BCR: variants seen among roughly 807,000 people sequenced by gnomAD.
BCR encodes the protein breakpoint cluster region protein.
Under a neutral mutation model 138.6 loss-of-function variants are expected in BCR, and 58 were observed. The observed-to-expected ratio is 0.42, with a 90% CI of 0.34 to 0.52. BCR has a LOEUF of 0.52. Among genes scored for constraint, BCR ranks in the 20% least tolerant of loss-of-function variants. BCR has a pLI of 0.06. For missense variants in BCR, 1,599 were observed against 1,727.2 expected, an observed-to-expected ratio of 0.93 and a Z score of 1.32; for synonymous variants, 786 against 730.1, an observed-to-expected ratio of 1.08 and a Z score of -1.23.
At position 23,181,353 on chromosome 22, in the gene BCR, C is replaced by A. The variant is rs528616365; in HGVS notation, c.393C>A (p.Ala131=). The A allele has an allele frequency of 8.6e-5, 130 of 1,506,448 alleles. No homozygotes were observed. The highest frequency in any genetic ancestry group is 1.1e-4 in the Non-Finnish European group (125 of 1,134,630). 93.3% of individuals were successfully genotyped at this position (1,506,448 alleles called of 1,614,324 possible). A position where few individuals can be genotyped will look rare whatever the true frequency, so the allele number is the denominator to read the frequency against. ...GSPGKARPGT[A]RRPGAAASGE... Reference sequence around the variant, plus strand: ...CGGGTAAGGCCAGGCCCGGGACCGCCCGCAGGCCCGGGGCAGCCGCGTCGG... The same window carrying A: ...CGGGTAAGGCCAGGCCCGGGACCGCACGCAGGCCCGGGGCAGCCGCGTCGG... The change falls in exon 1 of 23, where the codon GCC becomes GCA. Residue 131 remains alanine (A), a synonymous_variant. Coordinates refer to ENST00000305877, the MANE Select transcript of BCR (RefSeq NM_004327.4).
In BCR at chr22:23,262,645, GC is replaced by G. The variant is rs1334109425; in HGVS notation, c.1752+1106del. The G allele has an allele frequency of 1.6e-4, 67 of 415,980 alleles. 1 individual carries two copies. The highest frequency in any genetic ancestry group is 1.3e-3 in the African/African-American group (58 of 45,996). 25.8% of individuals were successfully genotyped at this position (415,980 alleles called of 1,614,324 possible). A position where few individuals can be genotyped will look rare whatever the true frequency, so the allele number is the denominator to read the frequency against. On this transcript the variant is annotated intron_variant, in intron 4 of 22. Transcript: ENST00000305877. ...GGGCTCCGCGTCGGGCTGCCCCGCA[GC>G]TGCTCTTGGGCAGCCAGGGCCGCTG...
At chr22:23,214,565 AT>A (rs2072727466) in intron 1 of BCR, among the ~76,000 whole-genome samples, 1 of 152,102 alleles carries the variant, frequency 6.6e-6, no homozygotes, top group African/African-American at 2.4e-5. Context: ...CAGGCGGATT[AT>A]TTCGTGCTTC....
chr22:23,227,458 A>G (rs1429151999), intron 1 of BCR, among the ~76,000 whole-genome samples: 1 of 152,242 alleles, frequency 6.6e-6, no homozygotes, highest in Admixed American at 6.5e-5. Flanking sequence ...GCCATCCTGT[A>G]GGACATAAGG....
In BCR at chr22:23,206,687, C is replaced by T. The variant is rs555553284; in HGVS notation, c.1279+24448C>T. 2.0e-5 allele frequency among the ~76,000 whole-genome samples: 3 copies of T among 152,268 alleles called. No homozygotes were observed. In the East Asian group the frequency reaches 5.8e-4, roughly 29 times the overall value. ...AAAACTCAGAAACCTTTTCAAGCCC[C>T]AAGATGAGCAAACTTGCTCCTCTTA... On this transcript the variant is annotated intron_variant, in intron 1 of 22. Transcript: ENST00000305877.
At chr22:23,245,005 G>T (rs1383235153) in intron 1 of BCR, among the ~76,000 whole-genome samples, 2 of 152,124 alleles carry the variant, frequency 1.3e-5, no homozygotes, top group African/African-American at 2.4e-5. Context: ...AAGAGAGGGG[G>T]TTCTCCTCTG....
Position 23,181,800 on chromosome 22 carries a change from G to C in BCR, c.840G>C (p.Gln280His). The stretch of plus-strand genomic sequence containing the variant: ...CGCCCCTGGAGTACCAGCCCTACCA[G>C]AGCATCTACGTCGGGGGCATGATGG... ...PWPPLEYQPY[Q>H]SIYVGGMMEG... Residue 280 changes from glutamine (Q) to histidine (H), a missense_variant, in exon 1 of 23, where the codon CAG (glutamine) becomes CAC (histidine). Around this residue, in one of 4 missense-constraint regions of BCR, gnomAD observed 806 missense variants for 635.0 expected, o/e 1.27. Transcript: ENST00000305877. 1.2e-6 allele frequency: 2 copies of C among 1,609,692 alleles called. No homozygotes were observed. Among genetic ancestry groups the C allele is most frequent in the Non-Finnish European group, 8.5e-7 (1 of 1,179,974 alleles).
At chr22:23,237,458 G>A (rs1238068138) in intron 1 of BCR, among the ~76,000 whole-genome samples, 1 of 152,240 alleles carries the variant, frequency 6.6e-6, no homozygotes, top group East Asian at 1.9e-4. Flanking sequence ...ACCGTGGGTG[G>A]TAATTCCCAC....
Position 23,315,822 on chromosome 22 carries a change from T to C in BCR, c.*300T>C. 1 of 470,600 alleles carries C rather than the reference T, an allele frequency of 2.1e-6. No individual in the cohort carries two copies. Among genetic ancestry groups the C allele is most frequent in the African/African-American group, 1.9e-5 (1 of 51,470 alleles). The allele number at this position is 470,600 out of a possible 1,614,324, so 29.2% of individuals were successfully genotyped here. A position where few individuals can be genotyped will look rare whatever the true frequency, so the allele number is the denominator to read the frequency against. On this transcript the variant is annotated 3_prime_UTR_variant, in exon 23 of 23. Coordinates refer to ENST00000305877, the MANE Select transcript of BCR (RefSeq NM_004327.4). ...TGGGAGACAGGGTGAAGGGAGTGGT[T>C]TTTATGAACTTAACTTAGAGTCTAA...
In BCR at chr22:23,277,041, G is replaced by C. The variant is rs565974159; in HGVS notation, c.2115+3267G>C. Among the ~76,000 whole-genome samples the C allele has an allele frequency of 2.0e-5, 3 of 152,348 alleles. No homozygotes were observed. The South Asian group carries it at 6.2e-4, about 32-fold the overall frequency. ...GCCATCTGTGTCGGAGGTGACGGGC[G>C]AGCTCCCCTGACGACACTAGCCAGG... On this transcript the variant is annotated intron_variant, in intron 8 of 22. Coordinates refer to ENST00000305877, the MANE Select transcript of BCR (RefSeq NM_004327.4).
chr22:23,190,104 C>T (rs2072395069), intron 1 of BCR, among the ~76,000 whole-genome samples: 1 of 152,206 alleles, frequency 6.6e-6, no homozygotes, highest in African/African-American at 2.4e-5. Flanking sequence ...GTCTTGCTGC[C>T]TCTGCACATG....
At chr22:23,199,880 A>G (rs1292107652) in intron 1 of BCR, among the ~76,000 whole-genome samples, 3 of 152,000 alleles carry the variant, frequency 2.0e-5, no homozygotes, top group Non-Finnish European at 2.9e-5. Context: ...CATGAGGTCA[A>G]GAGACCATCC....
At chr22:23,256,000 C>T (rs2073290913) in intron 2 of BCR, among the ~76,000 whole-genome samples, 1 of 152,238 alleles carries the variant, frequency 6.6e-6, no homozygotes, top group Non-Finnish European at 1.5e-5. Flanking sequence ...GGTTGGGGCC[C>T]CAGGACGGGT....
intron 1 of BCR, among the ~76,000 whole-genome samples, chr22:23,241,166 C>T (rs2073085714): frequency 6.6e-6 from 1 of 152,368 alleles, no homozygotes; most frequent in Admixed American, 6.5e-5. Context: ...CCTCTCCTAA[C>T]CTGCCCCAGG....
At chr22:23,306,575 C>T (rs1455485267) in intron 16 of BCR, among the ~76,000 whole-genome samples, 1 of 152,188 alleles carries the variant, frequency 6.6e-6, no homozygotes, top group South Asian at 2.1e-4. Flanking sequence ...GATGGAGACA[C>T]GTTGGAAATT....
intron 8 of BCR, 43 bp from the exon 9 acceptor site, chr22:23,283,934 C>T: frequency 6.5e-7 from 1 of 1,530,520 alleles, no homozygotes; most frequent in Non-Finnish European, 8.8e-7. Flanking sequence ...CCCCACCCAT[C>T]ACCCCAGGCT....
intron 1 of BCR, among the ~76,000 whole-genome samples, chr22:23,247,177 C>G (rs907254441): frequency 6.6e-6 from 1 of 152,122 alleles, no homozygotes; most frequent in Admixed American, 6.5e-5. Flanking sequence ...AGATGGGAGG[C>G]CAAGAGGAGG....
chr22:23,220,073 C>CGGT, intron 1 of BCR, among the ~76,000 whole-genome samples: 1 of 152,340 alleles, frequency 6.6e-6, no homozygotes, highest in South Asian at 2.1e-4. Context: ...TGTTCTGCCA[C>CGGT]CTGCCCTTTG....
At chr22:23,238,722 C>T (rs1044572379) in intron 1 of BCR, among the ~76,000 whole-genome samples, 20 of 152,254 alleles carry the variant, frequency 1.3e-4, no homozygotes, top group Admixed American at 4.6e-4. Flanking sequence ...CATAAGCCTT[C>T]CAGGAGCACT....
At chr22:23,263,945 G>A in intron 4 of BCR, 1 of 927,912 alleles carries the variant, frequency 1.1e-6, no homozygotes, top group Non-Finnish European at 1.8e-6. Flanking sequence ...TGAAAATCTG[G>A]GACCTCAACA....
Sources: gnomAD v4.1 joint callset for allele counts (sites outside exome capture counted in the v4.1 genomes callset) on GRCh38, gnomAD v4.1.1 for gene constraint, gnomAD v4.1.1 regional missense constraint, MANE v1.5 for transcripts, NCBI Gene and HGNC (gene_info 2026-07-23, HGNC 2026-07-21) for gene names.